Variants in ATF6 observed in about 807,000 individuals in gnomAD.
ATF6 encodes activating transcription factor 6, also known as cyclic AMP-dependent transcription factor ATF-6 alpha.
In ATF6, 53 loss-of-function variants were observed where a neutral mutation model predicts 83.6. That is an observed-to-expected ratio of 0.63 (90% CI 0.51 to 0.80). ATF6 has a LOEUF of 0.80. Ranked by LOEUF, ATF6 falls within the 30% of genes least tolerant of loss-of-function variation. The probability of loss-of-function intolerance (pLI) is 0.00; values close to 1 mark genes in which losing one functional copy is unlikely to be tolerated. For synonymous variants in ATF6, 288 were observed against 285.8 expected (o/e 1.01, Z -0.08); for missense variants, 744 against 797.9 (o/e 0.93, Z 0.81).
intron 3 of ATF6, 34 bp from the exon 4 acceptor site, chr1:161,783,956 C>G (rs1684690856): frequency 7.4e-7 from 1 of 1,357,562 alleles, no homozygotes; most frequent in Non-Finnish European, 1.0e-6. Context: ...TTTTTATTGT[C>G]CAGTGGGTAA....
At chr1:161,936,773 A>T (rs1200743724) in intron 15 of ATF6, among the ~76,000 whole-genome samples, 1 of 152,230 alleles carries the variant, frequency 6.6e-6, no homozygotes, top group Non-Finnish European at 1.5e-5. Flanking sequence ...CTCCAAATGC[A>T]TGTAACCAAC....
chr1:161,924,158 G>A (rs922523416), intron 15 of ATF6, among the ~76,000 whole-genome samples: 14 of 152,142 alleles, frequency 9.2e-5, no homozygotes, highest in Admixed American at 4.6e-4. Context: ...ACTGCTCTGC[G>A]TTCTCTCTTT....
chr1:161,796,757 T>A (rs1015546982), intron 6 of ATF6, among the ~76,000 whole-genome samples: 2 of 152,178 alleles, frequency 1.3e-5, no homozygotes, highest in Admixed American at 1.3e-4. Context: ...AGCCCTTATA[T>A]TCAGGAGCCT....
intron 5 of ATF6, 149 bp from the exon 6 acceptor site, chr1:161,791,975 T>C (rs1684889500): frequency 2.8e-6 from 2 of 727,048 alleles, no homozygotes; most frequent in African/African-American, 3.5e-5. Context: ...CATTCAGGTA[T>C]ATGTACTGTA....
intron 14 of ATF6, among the ~76,000 whole-genome samples, chr1:161,901,676 G>A (rs1169403013): frequency 6.6e-6 from 1 of 152,070 alleles, no homozygotes; most frequent in Non-Finnish European, 1.5e-5. Flanking sequence ...TAGTTGCAAA[G>A]GGAAGGAGTA....
chr1:161,800,167 T>C (rs963701852), intron 6 of ATF6, among the ~76,000 whole-genome samples: 4 of 152,188 alleles, frequency 2.6e-5, no homozygotes, highest in African/African-American at 9.7e-5. Context: ...ACAGGTTTAG[T>C]ACCCCTTAAA....
At chr1:161,930,266 A>T (rs545542047) in intron 15 of ATF6, among the ~76,000 whole-genome samples, 30 of 152,350 alleles carry the variant, frequency 2.0e-4, no homozygotes, top group African/African-American at 6.3e-4. Context: ...TGGGTTTTTT[A>T]AAACAATTTT....
intron 9 of ATF6, among the ~76,000 whole-genome samples, chr1:161,835,632 A>G (rs1175791747): frequency 6.6e-6 from 1 of 152,164 alleles, no homozygotes; most frequent in Non-Finnish European, 1.5e-5. Context: ...TACGTAAGGG[A>G]AGTTTTTATT....
chr1:161,777,188 G>A (rs1290255559), intron 1 of ATF6, among the ~76,000 whole-genome samples: 1 of 152,126 alleles, frequency 6.6e-6, no homozygotes, highest in African/African-American at 2.4e-5. Flanking sequence ...TAGAACGAAT[G>A]GGAGGAAAGA....
intron 4 of ATF6, among the ~76,000 whole-genome samples, chr1:161,784,637 T>C (rs1457583261): frequency 6.6e-6 from 1 of 152,166 alleles, no homozygotes; most frequent in Non-Finnish European, 1.5e-5. Flanking sequence ...CTGATTTAGG[T>C]ACTTTTTAGA....
At chr1:161,846,940 G>T (rs1373319810) in intron 10 of ATF6, among the ~76,000 whole-genome samples, 1 of 151,860 alleles carries the variant, frequency 6.6e-6, no homozygotes, top group Admixed American at 6.6e-5. Context: ...ACCTGTGGAT[G>T]GATATGATAT....
At chr1:161,879,361 G>A (rs184320908) in intron 14 of ATF6, among the ~76,000 whole-genome samples, 2 of 152,186 alleles carry the variant, frequency 1.3e-5, no homozygotes, top group East Asian at 1.9e-4. Flanking sequence ...TCAGTATGCC[G>A]TATGCTTTAA....
At chr1:161,835,886 AAT>A (rs1296784883) in intron 9 of ATF6, among the ~76,000 whole-genome samples, 46 of 152,314 alleles carry the variant, frequency 3.0e-4, no homozygotes, top group African/African-American at 1.0e-3. Flanking sequence ...GGAGGTTTTA[AAT>A]ATGTTTTAGT....
At chr1:161,846,641 T>C in intron 10 of ATF6, 61 bp downstream of exon 10, 1 of 1,496,538 alleles carries the variant, frequency 6.7e-7, no homozygotes, top group Non-Finnish European at 9.0e-7. Context: ...AACAAGAGAA[T>C]TATCTGTAGT....
intron 1 of ATF6, among the ~76,000 whole-genome samples, chr1:161,771,853 T>G (rs1684396459): frequency 6.6e-6 from 1 of 152,236 alleles, no homozygotes; most frequent in Admixed American, 6.5e-5. Flanking sequence ...ATCATGATTC[T>G]TGGATGATTT....
chr1:161,821,330 G>C (rs1039291741), intron 9 of ATF6, among the ~76,000 whole-genome samples, 169 bp downstream of exon 9: 3 of 152,190 alleles, frequency 2.0e-5, no homozygotes, highest in Admixed American at 1.3e-4. Flanking sequence ...GCTGGGAGGA[G>C]AGACAAGTAG....
intron 4 of ATF6, among the ~76,000 whole-genome samples, chr1:161,785,551 T>G (rs1399797702): frequency 6.6e-6 from 1 of 152,212 alleles, no homozygotes; most frequent in Non-Finnish European, 1.5e-5. Flanking sequence ...CTTAATTTAG[T>G]GATTTCCTTA....
chr1:161,941,636 T>C (rs987410498), intron 15 of ATF6, among the ~76,000 whole-genome samples: 1 of 152,174 alleles, frequency 6.6e-6, no homozygotes, highest in African/African-American at 2.4e-5. Context: ...ATTCTAGTTG[T>C]TTTTAGTCAG....
At chr1:161,848,506 C>T (rs1446873446) in intron 10 of ATF6, among the ~76,000 whole-genome samples, 1 of 151,958 alleles carries the variant, frequency 6.6e-6, no homozygotes, top group East Asian at 1.9e-4. Context: ...TAGTAATTAA[C>T]TGCTTATATT....
Sources: allele counts gnomAD v4.1 joint callset (sites outside exome capture counted in the v4.1 genomes callset), GRCh38; gene constraint gnomAD v4.1.1; transcripts MANE v1.5; gene names NCBI Gene and HGNC (gene_info 2026-07-23, HGNC 2026-07-21).